The following MTMR11 variants were observed in gnomAD, a reference collection of about 807,000 sequenced individuals.
The protein encoded by MTMR11 is myotubularin-related protein 11.
In MTMR11, 89 loss-of-function variants were observed where a neutral mutation model predicts 100.0. The observed-to-expected ratio is 0.89, with a 90% CI of 0.75 to 1.06. MTMR11 has a LOEUF of 1.06. MTMR11 is among the 50% of genes least tolerant of loss of function. MTMR11 has a pLI of 0.00. For synonymous variants in MTMR11, 336 were observed against 326.3 expected, an observed-to-expected ratio of 1.03 and a Z score of -0.32; for missense variants, 809 against 873.7, an observed-to-expected ratio of 0.93 and a Z score of 0.93.
intron 8 of MTMR11, 56 bp downstream of exon 8, chr1:149,933,799 T>C: frequency 1.2e-6 from 2 of 1,606,596 alleles, no homozygotes; most frequent in Non-Finnish European, 1.7e-6. Flanking sequence ...CTCCACGATG[T>C]CCCTGGCCCA....
Position 149,935,336 on chromosome 1 carries a change from G to T in MTMR11, c.288C>A (p.Tyr96Ter). Reference protein sequence around the residue: ...WNQDTPLNSEYDFALVNIGRL... With the variant: ...WNQDTPLNSE ...GTCCAATGTTGACCAGGGCAAAATC[G>T]TATTCACTGTTCAAGGGAGTGTCCT... The change falls in exon 4 of 17, where the codon TAC (tyrosine) becomes TAA (stop). Residue 96 changes from tyrosine to a stop codon, truncating the protein, a stop_gained. Transcript: ENST00000439741. LOFTEE classifies it high-confidence loss of function. 1 of 1,613,598 alleles carries T rather than the reference G, an allele frequency of 6.2e-7. No individual in the cohort carries two copies. Among genetic ancestry groups the T allele is most frequent in the East Asian group, 2.2e-5 (1 of 44,826 alleles).
chr1:149,929,671 C>A lies in MTMR11; in HGVS notation c.1893G>T (p.Gln631His). The A allele has an allele frequency of 6.2e-7, 1 of 1,613,970 alleles. No individual in the cohort carries two copies. The highest frequency in any genetic ancestry group is 1.1e-5 in the South Asian group (1 of 91,074). The change falls in exon 16 of 17, where the codon CAG becomes CAT. Residue 631 changes from glutamine to histidine, a missense_variant. Physicochemically the swap from Gln to His is conservative, Grantham distance 24. Coordinates refer to ENST00000439741, the MANE Select transcript of MTMR11 (RefSeq NM_001145862.2). ...GLLLPGYLGP[Q>H]IRLWRRCYLR... ...GGTAGCAGCGTCTCCAGAGCCTGATCTGGGGTCCCAGATACCCAGGCAGCA... is the reference window on the plus strand; with the variant it reads ...GGTAGCAGCGTCTCCAGAGCCTGATATGGGGTCCCAGATACCCAGGCAGCA...
chr1:149,932,217 G>A (rs782163098), intron 11 of MTMR11, 47 bp downstream of exon 11: 2 of 1,581,254 alleles, frequency 1.3e-6, no homozygotes, highest in South Asian at 1.1e-5. Flanking sequence ...ACAGAAGGTT[G>A]AGGAAGGTTG....
intron 14 of MTMR11, 40 bp downstream of exon 14, chr1:149,930,750 CAA>C: frequency 6.6e-7 from 1 of 1,513,540 alleles, no homozygotes; most frequent in Non-Finnish European, 8.8e-7. Context: ...GAGTACATCT[CAA>C]TGGAAAAAAA....
intron 12 of MTMR11, 107 bp from the exon 13 acceptor site, chr1:149,931,533 G>A: frequency 9.3e-7 from 1 of 1,075,434 alleles, no homozygotes; most frequent in Non-Finnish European, 1.3e-6. Context: ...GCACAGAGGG[G>A]AAAGGTTTGG....
chr1:149,930,926 G>C lies in MTMR11; in HGVS notation c.1330C>G (p.Leu444Val). The part of the protein sequence containing the change: ...FLLFLDCVWQ[L>V]LQQFPADFEF... ...AAATCAGCTGGAAACTGCTGGAGGA[G>C]CTGCCAGACACAATCAAGGAAGAGG... is the stretch of plus-strand genomic sequence containing the variant. The change falls in exon 14 of 17, where the codon CTC (leucine) becomes GTC (valine). Residue 444 changes from leucine (L) to valine (V), a missense_variant. Coordinates refer to ENST00000439741, the MANE Select transcript of MTMR11 (RefSeq NM_001145862.2). The C allele has an allele frequency of 1.9e-6, 3 of 1,612,498 alleles. No individual in the cohort carries two copies. Among genetic ancestry groups the C allele is most frequent in the Non-Finnish European group, 1.7e-6 (2 of 1,179,488 alleles).
Position 149,936,507 on chromosome 1 carries a change from T to C in MTMR11, c.66+75A>G, listed in dbSNP as rs1327364199. 5.4e-5 allele frequency: 70 copies of C among 1,304,210 alleles called. No homozygotes were observed. In the East Asian group the frequency reaches 1.8e-3, roughly 33 times the overall value. 80.8% of individuals were successfully genotyped at this position (1,304,210 alleles called of 1,614,324 possible). ...CCTCCTCCTCCTCCTCTAGAGCCTTTGCTTCCCCCTTTTATCTCCACCTCA... is the reference window on the plus strand; with the variant it reads ...CCTCCTCCTCCTCCTCTAGAGCCTTCGCTTCCCCCTTTTATCTCCACCTCA... On this transcript the variant is annotated intron_variant, in intron 1 of 16. Transcript: ENST00000439741.
At chr1:149,934,936 A>G (rs2092704064) in intron 5 of MTMR11, 50 bp downstream of exon 5, 1 of 1,588,382 alleles carries the variant, frequency 6.3e-7, no homozygotes. Context: ...CAGGGAGAGG[A>G]TCCCAAGGTT....
intron 13 of MTMR11, 68 bp downstream of exon 13, chr1:149,931,192 C>T (rs890338851): frequency 1.7e-5 from 27 of 1,599,426 alleles, no homozygotes; most frequent in Non-Finnish European, 2.3e-5. Context: ...ATGGATTATA[C>T]AAAATAATTT....
chr1:149,936,636 C>G lies in MTMR11; in HGVS notation c.12G>C (p.Gly4=), dbSNP rs1553769332. 1.9e-6 allele frequency: 3 copies of G among 1,543,138 alleles called. No homozygotes were observed. Among genetic ancestry groups the G allele is most frequent in the Non-Finnish European group, 2.6e-6 (3 of 1,139,598 alleles). Residue 4 remains glycine (G), a synonymous_variant, in exon 1 of 17, where the codon GGG becomes GGC. Coordinates refer to ENST00000439741, the MANE Select transcript of MTMR11 (RefSeq NM_001145862.2). The stretch of plus-strand genomic sequence containing the variant: ...CAATGTTGAAACTCTGGCCCCGGCC[C>G]CCCCACCACATTTCTCTGGCTCCAT... The part of the protein sequence containing the change: MWW[G]GRGQSFNIAP...
Position 149,932,348 on chromosome 1 carries a change from G to A in MTMR11, c.986-18C>T, listed in dbSNP as rs1459151723. 6.3e-7 allele frequency: 1 copy of A among 1,598,832 alleles called. No individual in the cohort carries two copies. The highest frequency in any genetic ancestry group is 8.6e-7 in the Non-Finnish European group (1 of 1,166,680). On this transcript the variant is annotated intron_variant, in intron 10 of 16. Transcript: ENST00000439741. ...AGATGAATCTGATAGAGGGTAGAAA[G>A]ATCAGAAGGGCAAGAGATTAGAACT...
chr1:149,936,745 G>GC lies in MTMR11; in HGVS notation c.-99_-98insG. Reference sequence around the variant, plus strand: ...AGGCTGAGTCTTGTTGAGAAGAGGGGTGTTAGGGAGAGGGGTAGGGGGTTG... The same window carrying GC: ...AGGCTGAGTCTTGTTGAGAAGAGGGGCTGTTAGGGAGAGGGGTAGGGGGTTG... On this transcript the variant is annotated 5_prime_UTR_variant, in exon 1 of 17. It introduces an in-frame stop codon into an upstream open reading frame of the 5' UTR. Transcript: ENST00000439741. 1 of 808,516 alleles carries GC rather than the reference G, an allele frequency of 1.2e-6. No homozygotes were observed. The highest frequency in any genetic ancestry group is 2.1e-6 in the Non-Finnish European group (1 of 478,674). 50.1% of individuals were successfully genotyped at this position (808,516 alleles called of 1,614,324 possible).
intron 13 of MTMR11, 26 bp downstream of exon 13, chr1:149,931,234 C>T: frequency 6.2e-7 from 1 of 1,613,418 alleles, no homozygotes; most frequent in Non-Finnish European, 8.5e-7. Context: ...TAATATGCCC[C>T]CGATGCCATC....
chr1:149,928,742 AT>A lies in MTMR11; in HGVS notation c.*386del. 1.1e-6 allele frequency: 1 copy of A among 946,188 alleles called. No individual in the cohort carries two copies. The highest frequency in any genetic ancestry group is 2.1e-5 in the Admixed American group (1 of 48,390). 58.6% of individuals were successfully genotyped at this position (946,188 alleles called of 1,614,324 possible). On this transcript the variant is annotated 3_prime_UTR_variant, in exon 17 of 17. Coordinates refer to ENST00000439741, the MANE Select transcript of MTMR11 (RefSeq NM_001145862.2). ...ATAGGGTGTTTCCTGTATCCGCCTC[AT>A]TCCCATAGAAAACTATAAGGGAAGA... is the stretch of plus-strand genomic sequence containing the variant.
In MTMR11 at chr1:149,929,326, G is replaced by A. The variant is rs1553766834; in HGVS notation, c.1942-9C>T. 1 of 1,607,814 alleles carries A rather than the reference G, an allele frequency of 6.2e-7. No individual in the cohort carries two copies. Among genetic ancestry groups the A allele is most frequent in the Non-Finnish European group, 8.5e-7 (1 of 1,174,666 alleles). ...GGAGCTGAGAGGCCCATCTGGGGAG[G>A]AGGCAAAGAGGAACAGAGAAGAATA... On this transcript the variant is annotated splice_polypyrimidine_tract_variant and intron_variant, in intron 16 of 16. Coordinates refer to ENST00000439741, the MANE Select transcript of MTMR11 (RefSeq NM_001145862.2).
intron 16 of MTMR11, 69 bp downstream of exon 16, chr1:149,929,554 A>G: frequency 6.6e-7 from 1 of 1,517,442 alleles, no homozygotes; most frequent in South Asian, 1.3e-5. Context: ...TTGCCTTTCC[A>G]GCTCCTGTTC....
intron 2 of MTMR11, among the ~76,000 whole-genome samples, 195 bp from the exon 3 acceptor site, chr1:149,935,900 C>A (rs782806418): frequency 6.6e-6 from 1 of 152,092 alleles, no homozygotes; most frequent in Non-Finnish European, 1.5e-5. Flanking sequence ...TAGAACAAGG[C>A]CTGGCACATA....
chr1:149,934,393 T>C, intron 6 of MTMR11, 55 bp downstream of exon 6: 3 of 1,613,564 alleles, frequency 1.9e-6, no homozygotes, highest in Non-Finnish European at 2.5e-6. Context: ...CTCTTTGTCA[T>C]CAGCCATCCT....
Position 149,933,658 on chromosome 1 carries a change from C to T in MTMR11, c.812G>A (p.Arg271His), listed in dbSNP as rs782451381. ...WHHPGGSDLL[R>H]CGGFYTASDP... ...ACTGGCTGTATAGAAGCCTCCACAGCGGAGAAGATCACTGCCCCCAGGGTG... is the reference window on the plus strand; with the variant it reads ...ACTGGCTGTATAGAAGCCTCCACAGTGGAGAAGATCACTGCCCCCAGGGTG... The change falls in exon 9 of 17, where the codon CGC becomes CAC. Residue 271 changes from arginine to histidine, a missense_variant. Physicochemically the swap from Arg to His is conservative, Grantham distance 29 (BLOSUM62 0). Transcript: ENST00000439741. The T allele has an allele frequency of 2.5e-5, 40 of 1,614,190 alleles. No individual in the cohort carries two copies. The South Asian group carries it at 4.1e-4, about 16-fold the overall frequency.
Sources: gnomAD v4.1 joint callset for allele counts (sites outside exome capture counted in the v4.1 genomes callset) on GRCh38, gnomAD v4.1.1 for gene constraint, MANE v1.5 for transcripts, NCBI Gene and HGNC (gene_info 2026-07-23, HGNC 2026-07-21) for gene names.